The following NRG2 variants were observed in gnomAD, a reference collection of about 807,000 sequenced individuals.
NRG2 encodes the protein neuregulin 2.
Under a neutral mutation model 73.9 loss-of-function variants are expected in NRG2, and 27 were observed. That is an observed-to-expected ratio of 0.37 (90% CI 0.27 to 0.50). The LOEUF is 0.50. Among genes scored for constraint, NRG2 ranks in the 20% least tolerant of loss-of-function variants. The pLI, the probability that NRG2 is intolerant of heterozygous loss-of-function variation, is 0.96. For missense variants in NRG2, 1,126 were observed against 1,210.1 expected, an observed-to-expected ratio of 0.93 and a Z score of 1.03; for synonymous variants, 532 against 541.0, an observed-to-expected ratio of 0.98 and a Z score of 0.23.
intron 1 of NRG2, among the ~76,000 whole-genome samples, chr5:140,004,779 A>G (rs899317813): frequency 2.6e-5 from 4 of 152,206 alleles, no homozygotes; most frequent in African/African-American, 9.6e-5. Flanking sequence ...ACACAAATAG[A>G]AAACTTGTGA....
chr5:139,933,872 G>GT lies in NRG2; in HGVS notation c.701-46362dup, dbSNP rs1486039379. 2.6e-5 allele frequency among the ~76,000 whole-genome samples: 4 copies of GT among 152,284 alleles called. No individual in the cohort carries two copies. In the East Asian group the frequency reaches 7.7e-4, roughly 29 times the overall value. ...AATCTCAGTAGATTTTAAGAGATAC[G>GT]TTTTTTGACCATGACAAAATTAAAG... On this transcript the variant is annotated intron_variant, in intron 1 of 9. Coordinates refer to ENST00000361474, the MANE Select transcript of NRG2 (RefSeq NM_004883.3).
At chr5:139,964,906 T>C (rs931280482) in intron 1 of NRG2, among the ~76,000 whole-genome samples, 1 of 152,240 alleles carries the variant, frequency 6.6e-6, no homozygotes, top group Non-Finnish European at 1.5e-5. Flanking sequence ...GAGATGCCAC[T>C]GTGTCACCCT....
intron 1 of NRG2, among the ~76,000 whole-genome samples, chr5:139,905,696 G>A (rs1765183686): frequency 1.3e-5 from 2 of 151,974 alleles, no homozygotes; most frequent in Non-Finnish European, 2.9e-5. Flanking sequence ...GGGGGGGGCA[G>A]GTGTAAGAGA....
At chr5:139,871,961 G>C (rs1206265859) in intron 3 of NRG2, 120 bp from the exon 4 acceptor site, 4 of 1,366,924 alleles carry the variant, frequency 2.9e-6, no homozygotes, top group African/African-American at 2.9e-5. Context: ...GGAATGACTG[G>C]GGAGGGGAGG....
intron 2 of NRG2, among the ~76,000 whole-genome samples, chr5:139,881,627 C>T (rs970884710): frequency 6.6e-6 from 1 of 152,228 alleles, no homozygotes; most frequent in Non-Finnish European, 1.5e-5. Context: ...GGACTTGATC[C>T]TCAGGGCCAA....
At position 139,856,655 on chromosome 5, in the gene NRG2, C is replaced by T. The variant is rs1761827097; in HGVS notation, c.1190-877G>A. Among the ~76,000 whole-genome samples, 1 of 152,202 alleles carries T rather than the reference C, an allele frequency of 6.6e-6. No homozygotes were observed. The highest frequency in any genetic ancestry group is 6.5e-5 in the Admixed American group (1 of 15,290). On this transcript the variant is annotated intron_variant, in intron 5 of 9. Coordinates refer to ENST00000361474, the MANE Select transcript of NRG2 (RefSeq NM_004883.3). This position sits in a 1 kb window ranked among gnomAD's most constrained non-coding sequence, Gnocchi z 4.2. ...CTTGGCAGAGCCCTGGGAAATGTCC[C>T]TAACCTCTTGGGCTTGCAGCATATC...
chr5:139,989,992 G>A (rs1166232982), intron 1 of NRG2, among the ~76,000 whole-genome samples: 3 of 151,286 alleles, frequency 2.0e-5, no homozygotes, highest in Admixed American at 6.6e-5. Flanking sequence ...GTTTCACCAT[G>A]TTAGCCAGGA....
chr5:140,025,267 C>T (rs645898), intron 1 of NRG2, among the ~76,000 whole-genome samples: 34,043 of 151,962 alleles, frequency 0.22, 4,022 homozygotes, highest in African/African-American at 0.27. Flanking sequence ...TGTGCACATA[C>T]CTGCCATCTC....
At chr5:140,011,827 A>C (rs1020827415) in intron 1 of NRG2, among the ~76,000 whole-genome samples, 2 of 152,232 alleles carry the variant, frequency 1.3e-5, no homozygotes, top group Non-Finnish European at 2.9e-5. Flanking sequence ...AACCCACTAC[A>C]TTTTGGGGTA....
At chr5:139,959,771 C>T in intron 1 of NRG2, among the ~76,000 whole-genome samples, 1 of 152,202 alleles carries the variant, frequency 6.6e-6, no homozygotes, top group Non-Finnish European at 1.5e-5. Context: ...CCTCAGCCTC[C>T]TAAAGTGTTG....
chr5:139,907,436 CCA>C (rs1378496340), intron 1 of NRG2, among the ~76,000 whole-genome samples: 1 of 152,174 alleles, frequency 6.6e-6, no homozygotes, highest in Non-Finnish European at 1.5e-5. Context: ...GATTGTGACC[CCA>C]GTTTCTGGTA....
chr5:139,924,220 A>G (rs1202032202), intron 1 of NRG2, among the ~76,000 whole-genome samples: 1 of 152,236 alleles, frequency 6.6e-6, no homozygotes, highest in African/African-American at 2.4e-5. Flanking sequence ...GTCTGGGCTC[A>G]AGAATCTCCG....
At chr5:139,896,004 G>T (rs1764521285) in intron 1 of NRG2, among the ~76,000 whole-genome samples, 1 of 152,184 alleles carries the variant, frequency 6.6e-6, no homozygotes, top group South Asian at 2.1e-4. Flanking sequence ...CTTTGGGGTG[G>T]GCCTGTGCTT....
intron 1 of NRG2, among the ~76,000 whole-genome samples, chr5:139,918,271 T>A (rs868043846): frequency 1.3e-5 from 2 of 152,142 alleles, no homozygotes; most frequent in African/African-American, 2.4e-5. Context: ...GAGTTTAAAC[T>A]CTGGTGGTCA....
intron 5 of NRG2, among the ~76,000 whole-genome samples, chr5:139,859,380 T>C (rs966511747): frequency 6.6e-6 from 1 of 152,080 alleles, no homozygotes; most frequent in African/African-American, 2.4e-5. Flanking sequence ...TAGAGAGTTA[T>C]CAGCTGCTGG....
chr5:139,918,138 T>C (rs572702028), intron 1 of NRG2, among the ~76,000 whole-genome samples: 35 of 152,194 alleles, frequency 2.3e-4, no homozygotes, highest in Non-Finnish European at 1.2e-4. Flanking sequence ...GAGACTACAA[T>C]TGCATTTTTT....
At chr5:140,040,794 T>A (rs577152730) in intron 1 of NRG2, among the ~76,000 whole-genome samples, 1 of 152,296 alleles carries the variant, frequency 6.6e-6, no homozygotes, top group South Asian at 2.1e-4. Context: ...GAATAAAAAA[T>A]TAGAAATTCT....
chr5:139,972,542 T>G (rs187603220), intron 1 of NRG2, among the ~76,000 whole-genome samples: 1 of 152,206 alleles, frequency 6.6e-6, no homozygotes, highest in Non-Finnish European at 1.5e-5. Context: ...CTGGCCAACA[T>G]AGTGAAACCC....
Position 139,848,175 on chromosome 5 carries a change from C to A in NRG2, c.2295G>T (p.Leu765=). Residue 765 remains leucine, a synonymous_variant, in exon 10 of 10, where the codon CTG becomes CTT. Transcript: ENST00000361474. ...RARAARDSLS[L]SSGSGGGSAS... ...CTGAGCCGCCGCCCGAGCCGCTGCTCAGCGACAGCGAGTCCCTCGCCGCCC... is the reference window on the plus strand; with the variant it reads ...CTGAGCCGCCGCCCGAGCCGCTGCTAAGCGACAGCGAGTCCCTCGCCGCCC... The A allele has an allele frequency of 2.1e-6, 3 of 1,413,538 alleles. No homozygotes were observed. The highest frequency in any genetic ancestry group is 2.8e-6 in the Non-Finnish European group (3 of 1,089,760). 87.6% of individuals were successfully genotyped at this position (1,413,538 alleles called of 1,614,324 possible). A position where few individuals can be genotyped will look rare whatever the true frequency, so the allele number is the denominator to read the frequency against.
Sources: allele counts gnomAD v4.1 joint callset (sites outside exome capture counted in the v4.1 genomes callset), GRCh38; gene constraint gnomAD v4.1.1; non-coding constraint Gnocchi (gnomAD v3.1); transcripts MANE v1.5; gene names NCBI Gene and HGNC (gene_info 2026-07-23, HGNC 2026-07-21).